Variants in GALNT13 observed in about 807,000 individuals in gnomAD.
The protein encoded by GALNT13 is polypeptide N-acetylgalactosaminyltransferase 13.
In GALNT13, 28 loss-of-function variants were observed where a neutral mutation model predicts 64.2. That is an observed-to-expected ratio of 0.44 (90% CI 0.32 to 0.60). The LOEUF (loss-of-function observed/expected upper bound fraction) is 0.60. Ranked by LOEUF, GALNT13 falls within the 20% of genes least tolerant of loss-of-function variation. GALNT13 has a pLI of 0.05. For synonymous variants in GALNT13, 214 were observed against 224.6 expected (o/e 0.95, Z 0.42); for missense variants, 577 against 669.8 (o/e 0.86, Z 1.53).
the GALNT13 span, among the ~76,000 whole-genome samples, chr2:153,859,320 T>G: frequency 6.6e-6 from 1 of 152,214 alleles, no homozygotes; most frequent in South Asian, 2.1e-4. Context: ...GTGAAGATAC[T>G]CATACACACA....
At chr2:154,062,298 A>C (rs765889508) in intron 3 of GALNT13, among the ~76,000 whole-genome samples, 1 of 151,944 alleles carries the variant, frequency 6.6e-6, no homozygotes, top group Non-Finnish European at 1.5e-5. Flanking sequence ...ATGTGATTCT[A>C]TTTTCTCTTG....
intron 8 of GALNT13, among the ~76,000 whole-genome samples, chr2:154,281,835 A>G (rs909722932): frequency 2.0e-5 from 3 of 151,190 alleles, no homozygotes; most frequent in Non-Finnish European, 2.9e-5. Context: ...TGCCCCCACC[A>G]GCTGCTCCCT....
intron 4 of GALNT13, among the ~76,000 whole-genome samples, chr2:154,222,205 A>G (rs907116791): frequency 5.9e-5 from 9 of 152,130 alleles, no homozygotes; most frequent in Admixed American, 4.6e-4. Flanking sequence ...TACAGATCCT[A>G]TGTAAGAAGT....
chr2:153,635,106 A>C, the GALNT13 span, among the ~76,000 whole-genome samples: 16 of 152,008 alleles, frequency 1.1e-4, no homozygotes, highest in Non-Finnish European at 7.4e-5. Context: ...GGAAAAAAAA[A>C]CCACTTTCTA....
intron 9 of GALNT13, among the ~76,000 whole-genome samples, chr2:154,325,492 T>C (rs1478200760): frequency 1.3e-5 from 2 of 152,156 alleles, no homozygotes; most frequent in Non-Finnish European, 2.9e-5. Flanking sequence ...ACTGGGGTAC[T>C]ACAATCTCGG....
intron 10 of GALNT13, among the ~76,000 whole-genome samples, chr2:154,404,191 C>T (rs944839908): frequency 3.3e-5 from 5 of 152,134 alleles, no homozygotes; most frequent in African/African-American, 9.7e-5. Context: ...TACACATCCA[C>T]AAACTACAAA....
At chr2:154,436,874 C>A (rs1040492417) in intron 11 of GALNT13, 3 of 151,908 alleles carry the variant, frequency 2.0e-5, no homozygotes, top group Non-Finnish European at 4.4e-5. Context: ...AAATGTATAA[C>A]CTTTGTGAAG....
At chr2:154,358,274 G>A (rs1696862863) in intron 9 of GALNT13, among the ~76,000 whole-genome samples, 1 of 152,044 alleles carries the variant, frequency 6.6e-6, no homozygotes, top group Admixed American at 6.6e-5. Context: ...CTTAGAAAGT[G>A]TTGTCATTTT....
At chr2:153,846,545 A>G in the GALNT13 span, among the ~76,000 whole-genome samples, 1 of 152,168 alleles carries the variant, frequency 6.6e-6, no homozygotes, top group African/African-American at 2.4e-5. Flanking sequence ...ACTTAAGCAG[A>G]AATCACATTT....
the GALNT13 span, among the ~76,000 whole-genome samples, chr2:153,332,770 A>T: frequency 1.3e-5 from 2 of 152,140 alleles, no homozygotes; most frequent in Non-Finnish European, 2.9e-5. Flanking sequence ...GGGGCACCTC[A>T]GGCTGCTGAA....
chr2:153,720,100 G>T, the GALNT13 span, among the ~76,000 whole-genome samples: 1 of 145,812 alleles, frequency 6.9e-6, no homozygotes, highest in African/African-American at 2.5e-5. Flanking sequence ...CTCCCAGCAC[G>T]CAGCTGGAGA....
the GALNT13 span, among the ~76,000 whole-genome samples, chr2:153,469,079 T>C: frequency 6.6e-6 from 1 of 152,222 alleles, no homozygotes; most frequent in East Asian, 1.9e-4. Context: ...AAGTTATTCC[T>C]GAAAAAGAAA....
chr2:153,509,308 G>A, the GALNT13 span, among the ~76,000 whole-genome samples: 1 of 152,200 alleles, frequency 6.6e-6, no homozygotes, highest in African/African-American at 2.4e-5. Flanking sequence ...CCTGCCAACT[G>A]AAAACGGGGC....
chr2:154,317,456 A>T (rs556458193), intron 9 of GALNT13, among the ~76,000 whole-genome samples: 1 of 152,318 alleles, frequency 6.6e-6, no homozygotes, highest in East Asian at 1.9e-4. Flanking sequence ...TCTAGTGAGA[A>T]TTGAATAAGA....
At chr2:153,681,226 T>A in the GALNT13 span, among the ~76,000 whole-genome samples, 9 of 151,848 alleles carry the variant, frequency 5.9e-5, no homozygotes, top group Non-Finnish European at 1.0e-4. Flanking sequence ...GACATTTCCT[T>A]AACATGTGAT....
chr2:154,297,395 A>G (rs1042240164), intron 8 of GALNT13, among the ~76,000 whole-genome samples: 3 of 152,140 alleles, frequency 2.0e-5, no homozygotes, highest in Admixed American at 6.6e-5. Context: ...TGCCTCACAT[A>G]TGGCCTGTGA....
intron 8 of GALNT13, among the ~76,000 whole-genome samples, chr2:154,284,408 G>A (rs1162020334): frequency 6.6e-6 from 1 of 151,920 alleles, no homozygotes; most frequent in African/African-American, 2.4e-5. Flanking sequence ...ATGTGCTCCA[G>A]TTCCATCCAT....
At chr2:154,432,389 C>T (rs139598298) in intron 11 of GALNT13, among the ~76,000 whole-genome samples, 1,698 of 152,226 alleles carry the variant, frequency 0.011, 38 homozygotes, top group African/African-American at 0.038. Context: ...TGCAAAGACA[C>T]TTTGGAAATC....
At chr2:153,205,318 G>A in the GALNT13 span, among the ~76,000 whole-genome samples, 2 of 151,800 alleles carry the variant, frequency 1.3e-5, no homozygotes, top group African/African-American at 4.8e-5. Context: ...GGCTGGAGGA[G>A]TTTTATCACA....
Sources: gnomAD v4.1 joint callset for allele counts (sites outside exome capture counted in the v4.1 genomes callset) on GRCh38, gnomAD v4.1.1 for gene constraint, MANE v1.5 for transcripts, NCBI Gene and HGNC (gene_info 2026-07-23, HGNC 2026-07-21) for gene names.